Variants in WDTC1 observed in about 807,000 individuals in gnomAD.
The protein encoded by WDTC1 is WD and tetratricopeptide repeats protein 1.
In WDTC1, 12 loss-of-function variants were observed where a neutral mutation model predicts 76.0. That is an observed-to-expected ratio of 0.16 (90% confidence interval 0.10 to 0.26). WDTC1 has a LOEUF of 0.26. Ranked by LOEUF, WDTC1 falls within the 10% of genes least tolerant of loss-of-function variation. The probability of loss-of-function intolerance (pLI) is 1.00; values close to 1 mark genes in which losing one functional copy is unlikely to be tolerated. For missense variants in WDTC1, 511 were observed against 908.8 expected, an observed-to-expected ratio of 0.56 and a Z score of 5.63; for synonymous variants, 326 against 350.8, an observed-to-expected ratio of 0.93 and a Z score of 0.79.
intron 3 of WDTC1, among the ~76,000 whole-genome samples, chr1:27,270,430 G>A (rs2012833290): frequency 6.6e-6 from 1 of 152,000 alleles, no homozygotes; most frequent in Non-Finnish European, 1.5e-5. Context: ...ATTAGGGCAA[G>A]TGCTGTAATC....
chr1:27,255,734 A>G (rs1381563356), intron 1 of WDTC1, among the ~76,000 whole-genome samples: 1 of 152,052 alleles, frequency 6.6e-6, no homozygotes, highest in East Asian at 1.9e-4. Flanking sequence ...ACACGCAGCT[A>G]ATTTTTGTAT....
At chr1:27,272,443 T>G (rs181521839) in intron 3 of WDTC1, among the ~76,000 whole-genome samples, 128 of 152,288 alleles carry the variant, frequency 8.4e-4, no homozygotes, top group African/African-American at 3.1e-3. Flanking sequence ...AAAGATAAAA[T>G]GAACTTCAAA....
chr1:27,264,628 C>CTTTGTTTTGT (rs201984611), intron 3 of WDTC1, among the ~76,000 whole-genome samples: 21 of 150,876 alleles, frequency 1.4e-4, no homozygotes, highest in African/African-American at 2.2e-4. Context: ...TTTTGTGGGT[C>CTTTGTTTTGT]TTTGTTTTGT....
At chr1:27,264,125 C>T (rs888821191) in intron 3 of WDTC1, among the ~76,000 whole-genome samples, 1 of 152,036 alleles carries the variant, frequency 6.6e-6, no homozygotes, top group East Asian at 1.9e-4. Flanking sequence ...CCCAACTCTA[C>T]TAAAAATACA....
intron 3 of WDTC1, among the ~76,000 whole-genome samples, 195 bp downstream of exon 3, chr1:27,263,430 T>A (rs568054992): frequency 1.3e-5 from 2 of 152,192 alleles, no homozygotes; most frequent in South Asian, 2.1e-4. Context: ...AATTATTATT[T>A]TTTTATTTTA....
In WDTC1 at chr1:27,305,035, G is replaced by A. The variant is rs749392284; in HGVS notation, c.1678G>A (p.Gly560Ser). 5 of 1,613,850 alleles carry A rather than the reference G, an allele frequency of 3.1e-6. No individual in the cohort carries two copies. Among genetic ancestry groups the A allele is most frequent in the African/African-American group, 1.3e-5 (1 of 74,884 alleles). Residue 560 changes from glycine (G) to serine (S), a missense_variant, in exon 15 of 16, where the codon GGC becomes AGC. Coordinates refer to ENST00000319394, the MANE Select transcript of WDTC1 (RefSeq NM_001276252.2). The surrounding 1 kb of genome is among the most constrained non-coding windows in gnomAD (Gnocchi z 4.6). ...AQYIVSGSDD[G>S]SFFIWEKETT... ...GTATATCGTCAGTGGCTCTGACGAT[G>A]GCTCCTTCTTCATCTGGGAAAAGGA...
chr1:27,250,135 T>G (rs934455726), intron 1 of WDTC1, among the ~76,000 whole-genome samples: 2 of 152,176 alleles, frequency 1.3e-5, no homozygotes, highest in African/African-American at 4.8e-5. Context: ...CAAATTTAGC[T>G]AACATTTGTT....
chr1:27,298,631 T>G (rs886360716), intron 12 of WDTC1, among the ~76,000 whole-genome samples: 4 of 152,190 alleles, frequency 2.6e-5, no homozygotes, highest in Admixed American at 6.5e-5. Flanking sequence ...TGGGTCACGC[T>G]AGGGTATGGT....
At position 27,272,552 on chromosome 1, in the gene WDTC1, G is replaced by A. The variant is rs148094640; in HGVS notation, c.132+9317G>A. Among the ~76,000 whole-genome samples the A allele has an allele frequency of 3.3e-3, 506 of 152,322 alleles. 3 individuals are homozygous for A. Among genetic ancestry groups the A allele is most frequent in the African/African-American group, 0.012 (485 of 41,572 alleles). On this transcript the variant is annotated intron_variant, in intron 3 of 15. Transcript: ENST00000319394. ...GTATGTTACAGAATTGAATAAAGAA[G>A]TCAATGTTGTTGGGAGCCAGAGTTC...
chr1:27,306,385 C>T lies in WDTC1; in HGVS notation c.*2C>T, dbSNP rs1411066282. On this transcript the variant is annotated 3_prime_UTR_variant, in exon 16 of 16. Coordinates refer to ENST00000319394, the MANE Select transcript of WDTC1 (RefSeq NM_001276252.2). This position sits in a 1 kb window ranked among gnomAD's most constrained non-coding sequence, Gnocchi z 5.0. ...CAGGTGCAGTGCCGGCCCAGCTAGA[C>T]CCTCCAGCCCTGGTCCCCAGCCCCT... is the stretch of plus-strand genomic sequence containing the variant. 1 of 1,609,934 alleles carries T rather than the reference C, an allele frequency of 6.2e-7. No homozygotes were observed.
chr1:27,237,390 G>C (rs1470663286), intron 1 of WDTC1, among the ~76,000 whole-genome samples: 1 of 152,156 alleles, frequency 6.6e-6, no homozygotes, highest in South Asian at 2.1e-4. Flanking sequence ...TGGGTCACTG[G>C]TTTAGTTATC....
intron 3 of WDTC1, among the ~76,000 whole-genome samples, chr1:27,269,606 G>GTTTTTTTTTTTTTTTTTTTTT (rs56885576): frequency 8.4e-6 from 1 of 119,482 alleles, no homozygotes; most frequent in Admixed American, 1.1e-4. Flanking sequence ...TTTGTTTTTT[G>GTTTTTTTTTTTTTTTTTTTTT]TTTTTTTTTT....
chr1:27,305,697 T>C lies in WDTC1; in HGVS notation c.1837-489T>C, dbSNP rs529275912. Among the ~76,000 whole-genome samples, 1 of 152,256 alleles carries C rather than the reference T, an allele frequency of 6.6e-6. No individual in the cohort carries two copies. The highest frequency in any genetic ancestry group is 2.1e-4 in the South Asian group (1 of 4,830). ...TCCCCTCTGCCCTACTGCTTCCCTC[T>C]TCCCAGCTGGCAAAACAAAAGTCAA... On this transcript the variant is annotated intron_variant, in intron 15 of 15. Coordinates refer to ENST00000319394, the MANE Select transcript of WDTC1 (RefSeq NM_001276252.2). The surrounding 1 kb of genome is among the most constrained non-coding windows in gnomAD (Gnocchi z 4.6).
intron 5 of WDTC1, among the ~76,000 whole-genome samples, chr1:27,287,448 C>T (rs1186091274): frequency 1.3e-5 from 2 of 152,046 alleles, no homozygotes; most frequent in African/African-American, 2.4e-5. Flanking sequence ...CGGCTCACTG[C>T]AGCCTCTGGC....
chr1:27,266,353 T>G (rs2012676519), intron 3 of WDTC1, among the ~76,000 whole-genome samples: 1 of 152,212 alleles, frequency 6.6e-6, no homozygotes, highest in Non-Finnish European at 1.5e-5. Flanking sequence ...TTTTCCTCTT[T>G]CCTGGTTTGG....
At chr1:27,296,597 G>A (rs1287622247) in intron 10 of WDTC1, among the ~76,000 whole-genome samples, 196 bp downstream of exon 10, 1 of 152,136 alleles carries the variant, frequency 6.6e-6, no homozygotes, top group Non-Finnish European at 1.5e-5. Context: ...TTGCATCACT[G>A]CCCTTTTTGC....
chr1:27,258,376 T>C (rs1271203290), intron 1 of WDTC1, among the ~76,000 whole-genome samples: 4 of 151,046 alleles, frequency 2.6e-5, no homozygotes, highest in African/African-American at 9.7e-5. Context: ...CTGCTAAAAA[T>C]ACAAAAACTA....
At chr1:27,236,853 T>C (rs1311977369) in intron 1 of WDTC1, among the ~76,000 whole-genome samples, 6 of 152,216 alleles carry the variant, frequency 3.9e-5, no homozygotes, top group African/African-American at 1.4e-4. Flanking sequence ...TTTATTTATT[T>C]TTTGAGATGG....
At chr1:27,269,272 G>GTT (rs1459060525) in intron 3 of WDTC1, among the ~76,000 whole-genome samples, 1 of 150,068 alleles carries the variant, frequency 6.7e-6, no homozygotes, top group Non-Finnish European at 1.5e-5. Flanking sequence ...AGCCCAGGAG[G>GTT]TTGAAGCTGC....
Sources: allele counts gnomAD v4.1 joint callset (sites outside exome capture counted in the v4.1 genomes callset), GRCh38; gene constraint gnomAD v4.1.1; non-coding constraint Gnocchi (gnomAD v3.1); transcripts MANE v1.5; gene names NCBI Gene and HGNC (gene_info 2026-07-23, HGNC 2026-07-21).